ESRRG: variants seen among roughly 807,000 people sequenced by gnomAD.
ESRRG encodes the protein estrogen-related receptor gamma.
ESRRG carries 13 observed loss-of-function variants against 44.0 expected under a neutral mutation model. The ratio of observed to expected loss-of-function variants is 0.30; its 90% CI spans 0.19 to 0.47. The LOEUF is 0.47. Among genes scored for constraint, ESRRG ranks in the 20% least tolerant of loss-of-function variants. ESRRG has a pLI of 1.00. For missense variants in ESRRG, 395 were observed against 580.6 expected (o/e 0.68, Z 3.29); for synonymous variants, 215 against 214.6 (o/e 1.00, Z -0.02).
intron 2 of ESRRG, among the ~76,000 whole-genome samples, chr1:216,801,700 G>A (rs2094625936): frequency 6.6e-6 from 1 of 152,116 alleles, no homozygotes; most frequent in Non-Finnish European, 1.5e-5. Context: ...GTGACGTTGA[G>A]TACCTTTTCA....
chr1:216,837,926 T>C (rs2095594386), intron 2 of ESRRG, among the ~76,000 whole-genome samples: 2 of 152,058 alleles, frequency 1.3e-5, no homozygotes, highest in African/African-American at 4.8e-5. Flanking sequence ...ATAGAGAGAG[T>C]AGACTTAGGG....
chr1:216,865,274 G>T (rs1305103343), intron 2 of ESRRG: 3 of 142,198 alleles, frequency 2.1e-5, no homozygotes, highest in African/African-American at 7.9e-5. Flanking sequence ...CATAGATTTT[G>T]TAGCACCTCA....
chr1:216,869,689 G>A (rs532140761), intron 2 of ESRRG, among the ~76,000 whole-genome samples: 6 of 151,996 alleles, frequency 3.9e-5, no homozygotes, highest in African/African-American at 1.4e-4. Context: ...CATAGTGTAT[G>A]TCTCAATTTA....
intron 1 of ESRRG, among the ~76,000 whole-genome samples, chr1:216,960,593 T>C (rs2068846387): frequency 1.3e-5 from 2 of 151,854 alleles, no homozygotes; most frequent in Non-Finnish European, 2.9e-5. Flanking sequence ...TTTGTTTGTT[T>C]GTTTGTTTGT....
intron 2 of ESRRG, among the ~76,000 whole-genome samples, chr1:216,931,775 T>C (rs780851248): frequency 6.6e-6 from 1 of 151,800 alleles, no homozygotes; most frequent in Non-Finnish European, 1.5e-5. Flanking sequence ...AATAAAAAGA[T>C]TATTTTTCTT....
At chr1:216,890,284 TA>T (rs2057599819) in intron 2 of ESRRG, among the ~76,000 whole-genome samples, 2 of 152,016 alleles carry the variant, frequency 1.3e-5, no homozygotes, top group Non-Finnish European at 2.9e-5. Context: ...AAAATAAAAA[TA>T]AATATATGCT....
chr1:216,527,637 C>A (rs2048067647), intron 5 of ESRRG, among the ~76,000 whole-genome samples: 1 of 152,104 alleles, frequency 6.6e-6, no homozygotes, highest in South Asian at 2.1e-4. Context: ...TCCCTAAGCA[C>A]CGCCATCCAC....
chr1:216,725,712 AAG>A (rs1220356415), upstream of ESRRG, among the ~76,000 whole-genome samples: 5 of 152,140 alleles, frequency 3.3e-5, no homozygotes, highest in African/African-American at 9.7e-5. Context: ...ACAAAAAAGA[AAG>A]AAACTTTCCT....
intron 2 of ESRRG, among the ~76,000 whole-genome samples, chr1:216,800,160 A>C (rs2094575110): frequency 1.3e-5 from 2 of 152,304 alleles, no homozygotes; most frequent in South Asian, 4.1e-4. Context: ...CTGAAAACTT[A>C]ACACCTCTCA....
intron 2 of ESRRG, among the ~76,000 whole-genome samples, chr1:216,803,767 C>A (rs1171715048): frequency 1.3e-5 from 2 of 151,806 alleles, no homozygotes; most frequent in South Asian, 4.1e-4. Context: ...TACTTTATGT[C>A]TTTTTTTTAC....
chr1:216,988,916 A>G (rs933922059), intron 1 of ESRRG, among the ~76,000 whole-genome samples: 2 of 152,228 alleles, frequency 1.3e-5, no homozygotes, highest in Non-Finnish European at 1.5e-5. Context: ...GTTTTGAAGT[A>G]CTTCAAGTTT....
At position 216,894,166 on chromosome 1, in the gene ESRRG, A is replaced by G. The variant is rs564432028; in HGVS notation, c.-14+45416T>C. On this transcript the variant is annotated intron_variant, in intron 2 of 7. Transcript: ENST00000359162. Reference sequence around the variant, plus strand: ...GAGTATTCTGCCCCGATTATAACCTATGTTCTGCTTGACTGTGGATCATCC... The same window carrying G: ...GAGTATTCTGCCCCGATTATAACCTGTGTTCTGCTTGACTGTGGATCATCC... Among the ~76,000 whole-genome samples, 6 of 152,160 alleles carry G rather than the reference A, an allele frequency of 3.9e-5. No individual in the cohort carries two copies. In the East Asian group the frequency reaches 7.7e-4, roughly 20 times the overall value.
In ESRRG at chr1:216,589,903, C is replaced by CAAAAAAAAA. The variant is rs58458686; in HGVS notation, c.590-21814_590-21806dup. Among the ~76,000 whole-genome samples the CAAAAAAAAA allele has an allele frequency of 5.8e-3, 187 of 32,182 alleles. 31 individuals are homozygous for CAAAAAAAAA. The highest frequency in any genetic ancestry group is 0.02 in the African/African-American group (141 of 7,138). The allele number at this position is 32,182 out of a possible 152,430, so 21.1% of individuals were successfully genotyped here. ...TGGGCAACAGGGTGAAACTCTGTCT[C>CAAAAAAAAA]AAAAAAAAAAAAAAAAAAAAAAAGA... On this transcript the variant is annotated intron_variant, in intron 3 of 6. Coordinates refer to ENST00000408911, the MANE Select transcript of ESRRG (RefSeq NM_001438.4).
chr1:216,954,378 T>C (rs56220608), intron 1 of ESRRG, among the ~76,000 whole-genome samples: 7,179 of 152,264 alleles, frequency 0.047, 370 homozygotes, highest in African/African-American at 0.11. Context: ...TGTCCCTGCA[T>C]TGGGGCCATC....
intron 2 of ESRRG, among the ~76,000 whole-genome samples, chr1:216,779,503 A>T (rs746866364): frequency 2.5e-5 from 2 of 79,266 alleles, no homozygotes; most frequent in Non-Finnish European, 4.4e-5. Flanking sequence ...TTTATATATA[A>T]ATATATATTT....
chr1:216,732,437 C>T (rs1033073627), intron 2 of ESRRG, among the ~76,000 whole-genome samples: 3 of 150,878 alleles, frequency 2.0e-5, no homozygotes, highest in African/African-American at 7.3e-5. Flanking sequence ...TGTGCAGTGG[C>T]ACAATCTCAG....
Position 216,548,324 on chromosome 1 carries a change from C to T in ESRRG, c.862+15895G>A, listed in dbSNP as rs11807665. On this transcript the variant is annotated intron_variant, in intron 5 of 6. Coordinates refer to ENST00000408911, the MANE Select transcript of ESRRG (RefSeq NM_001438.4). ...TCTTGACCTCTCTCTCAAGTGACTG[C>T]ATGTTCTCATTGTCTAAATTTGAAG... Among the ~76,000 whole-genome samples the T allele has an allele frequency of 7.3e-3, 1,105 of 152,172 alleles. 6 individuals carry two copies. Among genetic ancestry groups the T allele is most frequent in the African/African-American group, 0.025 (1,051 of 41,550 alleles).
intron 1 of ESRRG, among the ~76,000 whole-genome samples, chr1:217,135,392 G>C (rs1031384562): frequency 6.6e-6 from 1 of 152,206 alleles, no homozygotes; most frequent in African/African-American, 2.4e-5. Flanking sequence ...AAGAGGTGAG[G>C]GGAGGGTAAG....
At chr1:216,527,152 T>C (rs536756467) in intron 5 of ESRRG, among the ~76,000 whole-genome samples, 52 of 152,188 alleles carry the variant, frequency 3.4e-4, no homozygotes, top group African/African-American at 1.2e-3. Context: ...AAAAGAAAAG[T>C]ATTGCAAGGA....
Sources: gnomAD v4.1 joint callset for allele counts (sites outside exome capture counted in the v4.1 genomes callset) on GRCh38, gnomAD v4.1.1 for gene constraint, MANE v1.5 for transcripts, NCBI Gene and HGNC (gene_info 2026-07-23, HGNC 2026-07-21) for gene names.